ROBO2: variants seen among roughly 807,000 people sequenced by gnomAD.
ROBO2 encodes roundabout homolog 2.
In ROBO2, 53 loss-of-function variants were observed where a neutral mutation model predicts 160.8. The observed-to-expected ratio is 0.33, with a 90% CI of 0.26 to 0.41. ROBO2 has a LOEUF of 0.41. ROBO2 is among the 10% of genes least tolerant of loss of function. The probability of loss-of-function intolerance (pLI) is 1.00; values close to 1 mark genes in which losing one functional copy is unlikely to be tolerated. For synonymous variants in ROBO2, 664 were observed against 611.7 expected (o/e 1.09, Z -1.26); for missense variants, 1,577 against 1,722.4 (o/e 0.92, Z 1.49).
At chr3:76,200,491 G>A (rs957856872) in intron 2 of ROBO2, among the ~76,000 whole-genome samples, 1 of 152,088 alleles carries the variant, frequency 6.6e-6, no homozygotes, top group Non-Finnish European at 1.5e-5. Flanking sequence ...ATATGTCAAA[G>A]AGGCATATTT....
chr3:75,944,818 T>C (rs1235279010), intron 2 of ROBO2, among the ~76,000 whole-genome samples: 1 of 152,206 alleles, frequency 6.6e-6, no homozygotes, highest in Non-Finnish European at 1.5e-5. Context: ...GTACTTCTTT[T>C]TCTTATGGTA....
At position 77,294,537 on chromosome 3, in the gene ROBO2, G is replaced by A. The variant is rs2061791880; in HGVS notation, c.389-182877G>A. On this transcript the variant is annotated intron_variant, in intron 2 of 25. Transcript: ENST00000461745. ...ATTGATGGTTAAACGGGTAAACTGA[G>A]GCTAGATCCCTAAAGACATAAAGTA... Among the ~76,000 whole-genome samples the A allele has an allele frequency of 1.4e-5, 2 of 146,042 alleles. 1 individual carries two copies. The highest frequency in any genetic ancestry group is 5.4e-5 in the African/African-American group (2 of 37,252).
At position 76,576,701 on chromosome 3, in the gene ROBO2, C is replaced by CTTTTTTTTT. The variant is rs56404865; in HGVS notation, c.110-521300_110-521292dup. On this transcript the variant is annotated intron_variant, in intron 2 of 26. Coordinates refer to the ROBO2 transcript ENST00000487694. ...TTTTACAGTTTAAATCATTTTCTTT[C>CTTTTTTTTT]TTTTTTTTTTTTTTTTTTTTTGACA... Among the ~76,000 whole-genome samples, 67 of 62,390 alleles carry CTTTTTTTTT rather than the reference C, an allele frequency of 1.1e-3. 1 individual carries two copies. The highest frequency in any genetic ancestry group is 1.1e-3 in the Non-Finnish European group (40 of 34,828). The allele number at this position is 62,390 out of a possible 152,430, so 40.9% of individuals were successfully genotyped here.
chr3:77,496,067 G>A (rs2086742293), intron 5 of ROBO2, among the ~76,000 whole-genome samples: 1 of 152,024 alleles, frequency 6.6e-6, no homozygotes, highest in East Asian at 1.9e-4. Context: ...ATGATATCAA[G>A]GCCACTAAAC....
intron 1 of ROBO2, among the ~76,000 whole-genome samples, chr3:77,060,989 A>G (rs1159033422): frequency 6.6e-6 from 1 of 151,834 alleles, no homozygotes; most frequent in African/African-American, 2.4e-5. Context: ...AGGCTGGAAG[A>G]CAGTGGTGCA....
intron 1 of ROBO2, among the ~76,000 whole-genome samples, chr3:75,929,255 G>A (rs546685293): frequency 1.2e-4 from 18 of 151,724 alleles, no homozygotes; most frequent in Admixed American, 2.6e-4. Context: ...CTGGTTGATA[G>A]TATAAGGAGA....
rs2081277649 is a variant in ROBO2 at position 77,186,215 on chromosome 3, G to A, written c.388+87875G>A. Among the ~76,000 whole-genome samples the A allele has an allele frequency of 7.9e-5, 12 of 151,940 alleles. No individual in the cohort carries two copies. In the South Asian group the frequency reaches 2.5e-3, roughly 32 times the overall value. ...TTTTTAAGTCAGTGTCATAGGAATA[G>A]GAGGTTAGAAGTAGACAAAAATGTT... is the stretch of plus-strand genomic sequence containing the variant. On this transcript the variant is annotated intron_variant, in intron 2 of 25. Transcript: ENST00000461745.
In ROBO2 at chr3:77,098,336, G is replaced by C. The variant is rs1578948133; in HGVS notation, c.384G>C (p.Val128=). 7.4e-6 allele frequency: 12 copies of C among 1,614,120 alleles called. No individual in the cohort carries two copies. The highest frequency in any genetic ancestry group is 1.6e-4 in the Middle Eastern group (1 of 6,062). Residue 128 remains valine (V), a synonymous_variant, in exon 2 of 26, where the codon GTG becomes GTC. Transcript: ENST00000461745. Reference sequence around the variant, plus strand: ...TGAGTCGAAATGCGTCTCTGGAAGTGGCATGTAAGTGAACATAATGAACCT... The same window carrying C: ...TGAGTCGAAATGCGTCTCTGGAAGTCGCATGTAAGTGAACATAATGAACCT...
At chr3:76,382,366 A>G (rs1402980511) in intron 2 of ROBO2, among the ~76,000 whole-genome samples, 1 of 152,134 alleles carries the variant, frequency 6.6e-6, no homozygotes, top group Non-Finnish European at 1.5e-5. Flanking sequence ...AGGCAGGCGG[A>G]TCACAAGGTC....
At chr3:76,044,229 A>G (rs2067374313) in intron 2 of ROBO2, among the ~76,000 whole-genome samples, 1 of 152,084 alleles carries the variant, frequency 6.6e-6, no homozygotes, top group East Asian at 1.9e-4. Context: ...CAAGGACCAA[A>G]GCTGGAACCA....
intron 5 of ROBO2, among the ~76,000 whole-genome samples, chr3:77,514,661 A>G (rs1454070510): frequency 6.6e-6 from 1 of 151,878 alleles, no homozygotes; most frequent in Non-Finnish European, 1.5e-5. Flanking sequence ...TGTACACTAT[A>G]AAGATGTCTT....
intron 2 of ROBO2, among the ~76,000 whole-genome samples, chr3:76,237,067 CA>C (rs1455405909): frequency 3.9e-5 from 6 of 151,912 alleles, no homozygotes; most frequent in Admixed American, 1.3e-4. Context: ...AATTAGAAAG[CA>C]ATACAATATA....
At chr3:76,523,517 C>T (rs1214443583) in intron 2 of ROBO2, among the ~76,000 whole-genome samples, 1 of 152,022 alleles carries the variant, frequency 6.6e-6, no homozygotes, top group Non-Finnish European at 1.5e-5. Flanking sequence ...GTGTCAGCCA[C>T]CTGCCATCTC....
intron 2 of ROBO2, among the ~76,000 whole-genome samples, chr3:76,889,409 T>C (rs1200944823): frequency 2.0e-5 from 3 of 152,168 alleles, no homozygotes; most frequent in Admixed American, 2.0e-4. Flanking sequence ...AGAAAAATCA[T>C]AGATTAGGGA....
At chr3:76,768,027 C>T (rs1423011282) in intron 2 of ROBO2, among the ~76,000 whole-genome samples, 4 of 151,306 alleles carry the variant, frequency 2.6e-5, no homozygotes, top group African/African-American at 9.7e-5. Flanking sequence ...TGTTTTTAGC[C>T]AATTGGCACT....
intron 2 of ROBO2, among the ~76,000 whole-genome samples, chr3:76,824,709 A>G (rs2066416707): frequency 6.6e-6 from 1 of 152,152 alleles, no homozygotes; most frequent in Non-Finnish European, 1.5e-5. Context: ...GGTAAAGAGA[A>G]TTCCAAAGAA....
chr3:75,997,734 C>A (rs1468682148), intron 2 of ROBO2, among the ~76,000 whole-genome samples: 3 of 152,054 alleles, frequency 2.0e-5, no homozygotes, highest in Admixed American at 6.5e-5. Context: ...ACCTCGTGAT[C>A]TGCCCACCTT....
At chr3:76,647,959 G>T (rs961790689) in intron 2 of ROBO2, among the ~76,000 whole-genome samples, 1 of 152,034 alleles carries the variant, frequency 6.6e-6, no homozygotes, top group Non-Finnish European at 1.5e-5. Context: ...ACAGCCTTGG[G>T]TTACAGCAAG....
intron 5 of ROBO2, among the ~76,000 whole-genome samples, chr3:77,502,670 A>C (rs1018473578): frequency 6.6e-6 from 1 of 152,190 alleles, no homozygotes; most frequent in South Asian, 2.1e-4. Flanking sequence ...AAAAACATTA[A>C]AAAGCAACAA....
Sources: gnomAD v4.1 joint callset for allele counts (sites outside exome capture counted in the v4.1 genomes callset) on GRCh38, gnomAD v4.1.1 for gene constraint, MANE v1.5 for transcripts, NCBI Gene and HGNC (gene_info 2026-07-23, HGNC 2026-07-21) for gene names.